DNAH17: variants seen among roughly 807,000 people sequenced by gnomAD.
DNAH17 encodes the protein axonemal beta dynein heavy chain 17.
In DNAH17, 376 loss-of-function variants were observed where a neutral mutation model predicts 485.6. The observed-to-expected ratio is 0.77, with a 90% CI of 0.71 to 0.84. The LOEUF (loss-of-function observed/expected upper bound fraction) is 0.84, where lower values mean the gene tolerates loss of function less well. DNAH17 is among the 40% of genes least tolerant of loss of function. The pLI, the probability that DNAH17 is intolerant of heterozygous loss-of-function variation, is 0.00. For synonymous variants in DNAH17, 3,031 were observed against 2,405.9 expected, an observed-to-expected ratio of 1.26 and a Z score of -7.60; for missense variants, 6,370 against 5,839.3, an observed-to-expected ratio of 1.09 and a Z score of -2.96.
At chr17:78,516,282 C>T (rs2090776456) in intron 25 of DNAH17, among the ~76,000 whole-genome samples, 2 of 152,192 alleles carry the variant, frequency 1.3e-5, no homozygotes, top group Admixed American at 6.5e-5. Flanking sequence ...CTGTCATCTC[C>T]TGGGAAATGT....
At position 78,449,498 on chromosome 17, in the gene DNAH17, C is replaced by A; in HGVS notation, c.11127G>T (p.Glu3709Asp). The change falls in exon 69 of 81, where the codon GAG becomes GAT. Residue 3709 changes from glutamate to aspartate, a missense_variant. Coordinates refer to ENST00000389840, the MANE Select transcript of DNAH17 (RefSeq NM_173628.4). ...TGTACATGTAGACGGAGTAGGTGAT[C>A]TCGTCCGTCAGGTTGATCACCCGCT... ...VKQRVINLTDEITYSVYMYTA... is the reference protein window; with the variant it reads ...VKQRVINLTDDITYSVYMYTA... The A allele has an allele frequency of 6.3e-7, 1 of 1,581,088 alleles. No homozygotes were observed. Among genetic ancestry groups the A allele is most frequent in the South Asian group, 1.2e-5 (1 of 86,288 alleles).
In DNAH17 at chr17:78,492,981, G is replaced by A; in HGVS notation, c.6409-216C>T. ...TTCTCTTGCCTTAGCTTCCCAAGTA[G>A]CTGGGATTACAGGCGCCCATGACCA... On this transcript the variant is annotated intron_variant, in intron 41 of 80. Transcript: ENST00000389840. 3 of 427,240 alleles carry A rather than the reference G, an allele frequency of 7.0e-6. No homozygotes were observed. In the South Asian group the frequency reaches 8.7e-5, roughly 12 times the overall value. 26.5% of individuals were successfully genotyped at this position (427,240 alleles called of 1,614,324 possible). A position where few individuals can be genotyped will look rare whatever the true frequency, so the allele number is the denominator to read the frequency against.
In DNAH17 at chr17:78,460,037, T is replaced by C. The variant is rs545174636; in HGVS notation, c.9436-36A>G. On this transcript the variant is annotated intron_variant, in intron 59 of 80. Coordinates refer to ENST00000389840, the MANE Select transcript of DNAH17 (RefSeq NM_173628.4). ...CAGACGGGATGGGTCCGATGGGAGT[T>C]TGGACCGGGTCCTCGGTGATGCCCC... 3.7e-6 allele frequency: 6 copies of C among 1,609,480 alleles called. No individual in the cohort carries two copies. The South Asian group carries it at 6.6e-5, about 18-fold the overall frequency.
intron 75 of DNAH17, among the ~76,000 whole-genome samples, chr17:78,432,999 C>T (rs2086734905): frequency 6.6e-6 from 1 of 150,942 alleles, no homozygotes; most frequent in South Asian, 2.1e-4. Context: ...TAGGCAGCAG[C>T]CCTCCTGGGC....
chr17:78,466,001 G>A (rs1286942527), intron 56 of DNAH17, among the ~76,000 whole-genome samples: 2 of 152,182 alleles, frequency 1.3e-5, no homozygotes, highest in East Asian at 1.9e-4. Context: ...CGGGAGGGGT[G>A]GGGAAGGGAT....
In DNAH17 at chr17:78,572,956, G is replaced by C. The variant is rs2092381730; in HGVS notation, c.346-62C>G. 7 of 1,490,638 alleles carry C rather than the reference G, an allele frequency of 4.7e-6. No homozygotes were observed. The East Asian group carries it at 7.0e-5, about 15-fold the overall frequency. 92.3% of individuals were successfully genotyped at this position (1,490,638 alleles called of 1,614,324 possible). On this transcript the variant is annotated intron_variant, in intron 2 of 80. Transcript: ENST00000389840. Reference sequence around the variant, plus strand: ...CCTTCACCAGCTCGGCAACCGCACAGAGCCAGGTCCCCGGGGGGTTCCAAA... The same window carrying C: ...CCTTCACCAGCTCGGCAACCGCACACAGCCAGGTCCCCGGGGGGTTCCAAA...
chr17:78,514,703 C>G, intron 26 of DNAH17, 71 bp downstream of exon 26: 1 of 1,550,348 alleles, frequency 6.5e-7, no homozygotes, highest in Non-Finnish European at 8.7e-7. Context: ...CTAGGCAGCT[C>G]AGGCCAGCCC....
chr17:78,544,246 T>C (rs545035961), intron 16 of DNAH17, among the ~76,000 whole-genome samples: 4 of 152,296 alleles, frequency 2.6e-5, no homozygotes, highest in Non-Finnish European at 5.9e-5. Flanking sequence ...AGAAAGACCA[T>C]TGAGATGTTT....
chr17:78,565,885 G>C (rs983617126), intron 11 of DNAH17, among the ~76,000 whole-genome samples: 1 of 152,176 alleles, frequency 6.6e-6, no homozygotes, highest in Non-Finnish European at 1.5e-5. Context: ...GGGAGGCGGA[G>C]GTTGCAGTGT....
chr17:78,513,150 A>C (rs2090680876), intron 26 of DNAH17, among the ~76,000 whole-genome samples: 1 of 152,062 alleles, frequency 6.6e-6, no homozygotes, highest in Non-Finnish European at 1.5e-5. Flanking sequence ...AAATGAGTTC[A>C]GGCCATGACG....
chr17:78,481,517 T>C (rs1026574401), intron 48 of DNAH17, among the ~76,000 whole-genome samples: 1 of 152,180 alleles, frequency 6.6e-6, no homozygotes, highest in African/African-American at 2.4e-5. Context: ...GTTCCAGCTC[T>C]TCCCCTAAGC....
At chr17:78,501,019 A>T in intron 35 of DNAH17, 165 bp downstream of exon 35, 1 of 761,374 alleles carries the variant, frequency 1.3e-6, no homozygotes, top group Non-Finnish European at 1.9e-6. Context: ...AGCCGGTGCT[A>T]GAACAAGGAC....
chr17:78,526,718 C>G lies in DNAH17; in HGVS notation c.3644G>C (p.Arg1215Thr), dbSNP rs746645954. The G allele has an allele frequency of 1.2e-5, 20 of 1,609,446 alleles. No homozygotes were observed. The East Asian group carries it at 4.5e-4, about 36-fold the overall frequency. The change falls in exon 24 of 81, where the codon AGG (arginine) becomes ACG (threonine). Residue 1215 changes from arginine (R) to threonine (T), a missense_variant. Physicochemically the swap from Arg to Thr is moderately conservative, Grantham distance 71. Coordinates refer to ENST00000389840, the MANE Select transcript of DNAH17 (RefSeq NM_173628.4). ...CGGGGCCTCGCGCCTGAACCTCTCC[C>G]TGAACTCATGTTGCTTGAGCTGCGA... ...QQFELKQHEF[R>T]ERFRREAPFS...
intron 54 of DNAH17, among the ~76,000 whole-genome samples, chr17:78,470,773 CTT>C (rs1237287798): frequency 1.3e-5 from 2 of 152,146 alleles, no homozygotes; most frequent in African/African-American, 4.8e-5. Context: ...AGAAAAAAAT[CTT>C]AAATGGAGAC....
Position 78,574,752 on chromosome 17 carries a change from G to A in DNAH17, c.306C>T (p.Ser102=), listed in dbSNP as rs1237109912. Residue 102 remains serine, a synonymous_variant, in exon 2 of 81, where the codon AGC becomes AGT. Transcript: ENST00000389840. ...CGATCAGCTGGTCCACGGGTGTGGG[G>A]CTGATGTCGCCGTAAAGGAGCCGGG... is the stretch of plus-strand genomic sequence containing the variant. ...YRARLLYGDI[S]PTPVDQLIAV... 4 of 1,613,356 alleles carry A rather than the reference G, an allele frequency of 2.5e-6. No homozygotes were observed. The highest frequency in any genetic ancestry group is 3.4e-6 in the Non-Finnish European group (4 of 1,179,516).
At chr17:78,544,156 G>A (rs2091684755) in intron 16 of DNAH17, among the ~76,000 whole-genome samples, 159 bp from the exon 17 acceptor site, 1 of 152,174 alleles carries the variant, frequency 6.6e-6, no homozygotes, top group East Asian at 1.9e-4. Flanking sequence ...GGCTACTAAG[G>A]ACCTGTGCCT....
In DNAH17 at chr17:78,462,930, G is replaced by A; in HGVS notation, c.9088C>T (p.Leu3030=). 2 of 1,614,000 alleles carry A rather than the reference G, an allele frequency of 1.2e-6. No homozygotes were observed. The highest frequency in any genetic ancestry group is 1.7e-6 in the Non-Finnish European group (2 of 1,179,896). ...FLEQIKLYQN[L]LAKKRTELVA... Reference sequence around the variant, plus strand: ...AGTTCCGTTCTCTTCTTGGCCAGCAGGTTCTGGTACAGTTTGATCTGCTCC... The same window carrying A: ...AGTTCCGTTCTCTTCTTGGCCAGCAAGTTCTGGTACAGTTTGATCTGCTCC... Residue 3030 remains leucine (L), a synonymous_variant, in exon 57 of 81, where the codon CTG becomes TTG. Coordinates refer to ENST00000389840, the MANE Select transcript of DNAH17 (RefSeq NM_173628.4).
intron 62 of DNAH17, 126 bp from the exon 63 acceptor site, chr17:78,455,962 A>G (rs2087779009): frequency 6.6e-6 from 5 of 760,572 alleles, no homozygotes; most frequent in African/African-American, 1.8e-5. Context: ...CAGTGGCTCA[A>G]TGATGAAAAT....
Position 78,545,982 on chromosome 17 carries a change from T to A in DNAH17, c.2392-1985A>T, listed in dbSNP as rs559865629. ...TAAGACTACCATTTGAAATTTTTTTTTTTTTCCTTTGAAACAGGGTCGTGC... is the reference window on the plus strand; with the variant it reads ...TAAGACTACCATTTGAAATTTTTTTATTTTTCCTTTGAAACAGGGTCGTGC... On this transcript the variant is annotated intron_variant, in intron 16 of 80. Transcript: ENST00000389840. Among the ~76,000 whole-genome samples the A allele has an allele frequency of 3.5e-4, 53 of 152,278 alleles. 2 individuals are homozygous for A. In the East Asian group the frequency reaches 8.9e-3, roughly 26 times the overall value.
Sources: allele counts gnomAD v4.1 joint callset (sites outside exome capture counted in the v4.1 genomes callset), GRCh38; gene constraint gnomAD v4.1.1; transcripts MANE v1.5; gene names NCBI Gene and HGNC (gene_info 2026-07-23, HGNC 2026-07-21).